TUBGCP3: variants seen among roughly 807,000 people sequenced by gnomAD.
TUBGCP3 encodes the protein tubulin gamma complex component 3, also known as gamma-tubulin complex component 3.
A neutral mutation model predicts 123.1 loss-of-function variants in TUBGCP3; 50 were observed. The ratio of observed to expected loss-of-function variants is 0.41; its 90% CI spans 0.32 to 0.51. The LOEUF is 0.51. TUBGCP3 is among the 20% of genes least tolerant of loss of function. TUBGCP3 has a pLI of 0.36. For synonymous variants in TUBGCP3, 405 were observed against 413.9 expected (o/e 0.98, Z 0.26); for missense variants, 882 against 1,127.0 (o/e 0.78, Z 3.11).
intron 19 of TUBGCP3, among the ~76,000 whole-genome samples, chr13:112,501,343 G>A (rs112141150): frequency 4.9e-4 from 75 of 152,226 alleles, no homozygotes; most frequent in African/African-American, 1.6e-3. Context: ...ATGTTTGGAA[G>A]AGTTAATCCA....
intron 19 of TUBGCP3, among the ~76,000 whole-genome samples, chr13:112,501,724 C>G (rs1880918724): frequency 6.6e-6 from 1 of 152,026 alleles, no homozygotes; most frequent in African/African-American, 2.4e-5. Flanking sequence ...AAGAGTAAAG[C>G]CATCAGCAAA....
chr13:112,576,985 TA>T (rs1160929943), intron 1 of TUBGCP3, among the ~76,000 whole-genome samples: 54 of 119,042 alleles, frequency 4.5e-4, no homozygotes, highest in African/African-American at 8.2e-4. Flanking sequence ...AAAAAATTCT[TA>T]AAAAAAAAAA....
intron 11 of TUBGCP3, among the ~76,000 whole-genome samples, chr13:112,536,535 T>G (rs1333934154): frequency 6.6e-6 from 1 of 152,250 alleles, no homozygotes; most frequent in Non-Finnish European, 1.5e-5. Flanking sequence ...TACTATGTAT[T>G]TAACTTATTT....
chr13:112,521,747 C>T, intron 14 of TUBGCP3: 1 of 985,368 alleles, frequency 1.0e-6, no homozygotes, highest in Non-Finnish European at 1.2e-6. Context: ...AGGCTGTGGA[C>T]CCCTGGGATG....
At chr13:112,532,596 TA>T (rs1452693646) in intron 11 of TUBGCP3, among the ~76,000 whole-genome samples, 1 of 152,212 alleles carries the variant, frequency 6.6e-6, no homozygotes, top group Non-Finnish European at 1.5e-5. Context: ...ACCTTAAGTT[TA>T]TGGGGGAAGA....
intron 3 of TUBGCP3, among the ~76,000 whole-genome samples, chr13:112,561,908 G>A (rs1306001630): frequency 6.6e-6 from 1 of 152,214 alleles, no homozygotes; most frequent in Non-Finnish European, 1.5e-5. Flanking sequence ...GTGACATAAA[G>A]GAGGAGGCAG....
At chr13:112,566,128 C>A (rs1880939407) in intron 2 of TUBGCP3, among the ~76,000 whole-genome samples, 1 of 152,190 alleles carries the variant, frequency 6.6e-6, no homozygotes, top group African/African-American at 2.4e-5. Flanking sequence ...ATGAGAAGTT[C>A]ATTCTATGTT....
chr13:112,493,439 G>A (rs1008009178), intron 20 of TUBGCP3, among the ~76,000 whole-genome samples: 3 of 148,084 alleles, frequency 2.0e-5, no homozygotes, highest in Admixed American at 6.7e-5. Context: ...ATGGGAACAT[G>A]GCCTGGTGTG....
upstream of TUBGCP3, among the ~76,000 whole-genome samples, chr13:112,592,473 G>A (rs536193704): frequency 2.6e-5 from 4 of 152,250 alleles, 1 homozygote; most frequent in African/African-American, 9.6e-5. This position sits in a 1 kb window ranked among gnomAD's most constrained non-coding sequence, Gnocchi z 4.1. Flanking sequence ...TTTCCCCCAC[G>A]GCACTGGGTG....
At chr13:112,504,781 C>T (rs1566537743) in intron 17 of TUBGCP3, 67 bp from the exon 18 acceptor site, 1 of 1,270,178 alleles carries the variant, frequency 7.9e-7, no homozygotes, top group Non-Finnish European at 1.1e-6. Context: ...GCTGTTCTCC[C>T]TTACCCACCT....
At chr13:112,546,767 G>GA (rs1371177339) in intron 10 of TUBGCP3, 6 of 152,204 alleles carry the variant, frequency 3.9e-5, no homozygotes, top group Admixed American at 1.3e-4. Context: ...GGGAACTGGA[G>GA]AAAACGCTGG....
intron 3 of TUBGCP3, among the ~76,000 whole-genome samples, chr13:112,560,159 G>A (rs1352444184): frequency 1.3e-5 from 2 of 149,058 alleles, no homozygotes; most frequent in African/African-American, 2.5e-5. Flanking sequence ...GGCCGGGCGC[G>A]GTGGCTCACG....
In TUBGCP3 at chr13:112,519,765, G is replaced by GTTTC; in HGVS notation, c.1881+117_1881+120dup. 7.5e-7 allele frequency: 1 copy of GTTTC among 1,340,000 alleles called. No individual in the cohort carries two copies. Among genetic ancestry groups the GTTTC allele is most frequent in the Admixed American group, 3.0e-5 (1 of 33,692 alleles). The allele number at this position is 1,340,000 out of a possible 1,614,324, so 83.0% of individuals were successfully genotyped here. On this transcript the variant is annotated intron_variant, in intron 15 of 21. Transcript: ENST00000261965. This position sits in a 1 kb window ranked among gnomAD's most constrained non-coding sequence, Gnocchi z 6.2. ...GTGGAGTTCCTACTCAGGCTGCCCA[G>GTTTC]TTTCCAGAAAGATAACGGCTAGCTG...
rs773430749 is a variant in TUBGCP3, at chr13:112,518,987, T to C, written c.1938A>G (p.Gly646=). Residue 646 remains glycine, a synonymous_variant, in exon 16 of 22, where the codon GGA becomes GGG. Transcript: ENST00000261965. ...AGGATAATCTTACAGTTGCAATTGGTCCGTCAACATGATAATCGAGGCTGA... is the reference window on the plus strand; with the variant it reads ...AGGATAATCTTACAGTTGCAATTGGCCCGTCAACATGATAATCGAGGCTGA... ...DVFSLDYHVD[G]PIATVFTREC... 20 of 1,613,732 alleles carry C rather than the reference T, an allele frequency of 1.2e-5. No individual in the cohort carries two copies. Among genetic ancestry groups the C allele is most frequent in the Non-Finnish European group, 1.6e-5 (19 of 1,179,628 alleles).
chr13:112,595,059 A>G, the TUBGCP3 span, among the ~76,000 whole-genome samples: 1 of 152,190 alleles, frequency 6.6e-6, no homozygotes, highest in Non-Finnish European at 1.5e-5. Context: ...TACCCATTAG[A>G]TCCAGTTGAT....
In TUBGCP3 at chr13:112,547,538, ATGGGAAAGTCGCGCG is replaced by A. The variant is rs142738218; in HGVS notation, c.1168+67_1168+81del. On this transcript the variant is annotated intron_variant, in intron 10 of 21. Coordinates refer to ENST00000261965, the MANE Select transcript of TUBGCP3 (RefSeq NM_006322.6). ...AAAGACGCGCGTGGGAAAGACGTGC[ATGGGAAAGTCGCGCG>A]TGGGAAAGTCGCGCGTGGGAAAGTC... The A allele has an allele frequency of 0.21, 264,442 of 1,240,746 alleles. 43,574 individuals carry two copies. Among genetic ancestry groups the A allele is most frequent in the African/African-American group, 0.51 (24,053 of 47,180 alleles). The allele number at this position is 1,240,746 out of a possible 1,614,324, so 76.9% of individuals were successfully genotyped here.
chr13:112,592,194 CATAG>C (rs1450648125), upstream of TUBGCP3, among the ~76,000 whole-genome samples: 1 of 152,206 alleles, frequency 6.6e-6, no homozygotes, highest in Non-Finnish European at 1.5e-5. The surrounding 1 kb of genome is among the most constrained non-coding windows in gnomAD (Gnocchi z 4.1). Context: ...TCACAACCGA[CATAG>C]ATAGTAGATA....
At chr13:112,552,767 G>A (rs1009914682) in intron 8 of TUBGCP3, among the ~76,000 whole-genome samples, 7 of 148,748 alleles carry the variant, frequency 4.7e-5, no homozygotes, top group African/African-American at 1.5e-4. Flanking sequence ...CACCAGCCAC[G>A]CTCCTCCCCA....
At chr13:112,535,869 T>A (rs1878003524) in intron 11 of TUBGCP3, among the ~76,000 whole-genome samples, 1 of 152,240 alleles carries the variant, frequency 6.6e-6, no homozygotes, top group African/African-American at 2.4e-5. Flanking sequence ...GATTTACCAC[T>A]ATATCTTCTT....
Sources: gnomAD v4.1 joint callset for allele counts (sites outside exome capture counted in the v4.1 genomes callset) on GRCh38, gnomAD v4.1.1 for gene constraint, Gnocchi (gnomAD v3.1) non-coding constraint, MANE v1.5 for transcripts, NCBI Gene and HGNC (gene_info 2026-07-23, HGNC 2026-07-21) for gene names.